ADCY6: variants seen among roughly 807,000 people sequenced by gnomAD.
The protein encoded by ADCY6 is adenylate cyclase 6.
Under a neutral mutation model 111.6 loss-of-function variants are expected in ADCY6, and 59 were observed. The observed-to-expected ratio is 0.53, with a 90% CI of 0.43 to 0.66. ADCY6 has a LOEUF of 0.66. ADCY6 is among the 30% of genes least tolerant of loss of function. ADCY6 has a pLI of 0.00. For synonymous variants in ADCY6, 576 were observed against 642.9 expected (o/e 0.90, Z 1.57); for missense variants, 1,242 against 1,595.6 (o/e 0.78, Z 3.78).
rs1457933107 is a variant in ADCY6 at position 48,770,852 on chromosome 12, G to C, written c.3170C>G (p.Thr1057Ser). The part of the protein sequence containing the change: ...TYDQVGRSHI[T>S]ALADYAMRLM... ...CCGCATGGCGTAGTCAGCCAGGGCAGTGATGTGGGAGCGGCCCACCTGATC... is the reference window on the plus strand; with the variant it reads ...CCGCATGGCGTAGTCAGCCAGGGCACTGATGTGGGAGCGGCCCACCTGATC... The change falls in exon 20 of 22, where the codon ACT becomes AGT. Residue 1057 changes from threonine (T) to serine (S), a missense_variant. Physicochemically the swap from Thr to Ser is moderately conservative, Grantham distance 58 (BLOSUM62 1). Transcript: ENST00000357869. 2.5e-6 allele frequency: 4 copies of C among 1,614,280 alleles called. No homozygotes were observed. The highest frequency in any genetic ancestry group is 3.4e-6 in the Non-Finnish European group (4 of 1,180,052).
intron 20 of ADCY6, among the ~76,000 whole-genome samples, chr12:48,769,643 G>C (rs533658833): frequency 4.0e-4 from 60 of 149,464 alleles, no homozygotes; most frequent in African/African-American, 1.5e-3. Flanking sequence ...ATGGAGTGCA[G>C]TGGCACAATC....
Position 48,777,309 on chromosome 12 carries a change from C to G in ADCY6, c.1249-78G>C, listed in dbSNP as rs181298542. 7 of 1,593,866 alleles carry G rather than the reference C, an allele frequency of 4.4e-6. No individual in the cohort carries two copies. The highest frequency in any genetic ancestry group is 6.0e-6 in the Non-Finnish European group (7 of 1,169,002). ...AGCCTGCATGGCCCACCACCCTCCA[C>G]GCATACTCTATCTGCCCTCAAATCC... On this transcript the variant is annotated intron_variant, in intron 5 of 21. Transcript: ENST00000357869. This position sits in a 1 kb window ranked among gnomAD's most constrained non-coding sequence, Gnocchi z 4.9.
intron 20 of ADCY6, 29 bp from the exon 21 acceptor site, chr12:48,769,090 G>T (rs542296341): frequency 1.3e-6 from 2 of 1,591,494 alleles, no homozygotes; most frequent in Admixed American, 3.5e-5. Flanking sequence ...CAAGAGACTA[G>T]TGGATGCTCC....
intron 20 of ADCY6, among the ~76,000 whole-genome samples, chr12:48,769,270 G>A (rs1941460874): frequency 6.6e-6 from 1 of 151,936 alleles, no homozygotes; most frequent in South Asian, 2.1e-4. Flanking sequence ...AAATTAGCTG[G>A]ACAATGGTGG....
chr12:48,788,949 GC>G lies in ADCY6; in HGVS notation c.-49del, dbSNP rs1440054154. ...GCCTGCCCTGGGCCCCCGCCCCGCC[GC>G]CCCCGCGGGCTCCGGCCGGCCGGCC... On this transcript the variant is annotated 5_prime_UTR_variant, in exon 1 of 22. Coordinates refer to ENST00000357869, the MANE Select transcript of ADCY6 (RefSeq NM_015270.5). 1.5e-5 allele frequency: 1 copy of G among 64,816 alleles called. No individual in the cohort carries two copies. The highest frequency in any genetic ancestry group is 3.2e-5 in the Non-Finnish European group (1 of 31,090). 4.0% of individuals were successfully genotyped at this position (64,816 alleles called of 1,614,324 possible).
chr12:48,781,214 A>C (rs909826501), intron 2 of ADCY6, among the ~76,000 whole-genome samples: 13 of 150,832 alleles, frequency 8.6e-5, no homozygotes, highest in African/African-American at 2.0e-4. Flanking sequence ...AAAAAAAAAA[A>C]CCACAAAAAA....
rs771856644 is a variant in ADCY6, at chr12:48,771,935, T to C, written c.2826A>G (p.Ala942=). The C allele has an allele frequency of 3.7e-6, 6 of 1,613,892 alleles. No individual in the cohort carries two copies. The highest frequency in any genetic ancestry group is 2.2e-5 in the East Asian group (1 of 44,882). ...TGTTATGCAGCAGCCTCCGGTTGTA[T>C]GCCTGTAGCTCCTCCATCTCCTCCT... ...GEKEEMEELQ[A]YNRRLLHNIL... The change falls in exon 19 of 22, where the codon GCA becomes GCG. Residue 942 remains alanine (A), a synonymous_variant. Transcript: ENST00000357869. This position sits in a 1 kb window ranked among gnomAD's most constrained non-coding sequence, Gnocchi z 4.3.
chr12:48,767,674 A>G lies in ADCY6; in HGVS notation c.*917T>C, dbSNP rs1163153797. Reference sequence around the variant, plus strand: ...GCAACAGAAGAGGAAGAGATGCTCCATGCCCCCTTGTCAGCAGACAGCAAG... The same window carrying G: ...GCAACAGAAGAGGAAGAGATGCTCCGTGCCCCCTTGTCAGCAGACAGCAAG... On this transcript the variant is annotated 3_prime_UTR_variant, in exon 22 of 22. Transcript: ENST00000357869. 1 of 152,642 alleles carries G rather than the reference A, an allele frequency of 6.6e-6. No homozygotes were observed. The highest frequency in any genetic ancestry group is 1.5e-5 in the Non-Finnish European group (1 of 68,062). The allele number at this position is 152,642 out of a possible 1,614,324, so 9.5% of individuals were successfully genotyped here. A position where few individuals can be genotyped will look rare whatever the true frequency, so the allele number is the denominator to read the frequency against.
In ADCY6 at chr12:48,768,567, A is replaced by C. The variant is rs1166708083; in HGVS notation, c.*24T>G. On this transcript the variant is annotated 3_prime_UTR_variant, in exon 22 of 22. Transcript: ENST00000357869. The stretch of plus-strand genomic sequence containing the variant: ...ACTCAATGCCCACCTTGGTCCCTTC[A>C]GCTGAATTTGTGGCTGGGCCCTGTT... 4.3e-6 allele frequency: 7 copies of C among 1,613,936 alleles called. No individual in the cohort carries two copies. The highest frequency in any genetic ancestry group is 2.2e-5 in the East Asian group (1 of 44,866).
chr12:48,771,121 G>C lies in ADCY6; in HGVS notation c.3052-151C>G. ...CTGCTGCTATCAGTGTAAGACTGAG[G>C]AGCTGGGAAAACAGGCAGCCTAGGA... On this transcript the variant is annotated intron_variant, in intron 19 of 21. Coordinates refer to ENST00000357869, the MANE Select transcript of ADCY6 (RefSeq NM_015270.5). The surrounding 1 kb of genome is among the most constrained non-coding windows in gnomAD (Gnocchi z 4.3). 1.3e-6 allele frequency: 1 copy of C among 784,578 alleles called. No individual in the cohort carries two copies. Among genetic ancestry groups the C allele is most frequent in the Non-Finnish European group, 2.0e-6 (1 of 501,382 alleles). The allele number at this position is 784,578 out of a possible 1,614,324, so 48.6% of individuals were successfully genotyped here.
rs767296615 is a variant in ADCY6 at position 48,774,069 on chromosome 12, G to C, written c.2313C>G (p.Ser771Arg). The C allele has an allele frequency of 9.3e-6, 15 of 1,611,196 alleles. No individual in the cohort carries two copies. The highest frequency in any genetic ancestry group is 1.2e-5 in the Non-Finnish European group (14 of 1,178,582). Reference sequence around the variant, plus strand: ...TTAAATTCAGCATCCGGGCTGCACAGCTCCGTATGGGGGTGTGGTTACAGG... The same window carrying C: ...TTAAATTCAGCATCCGGGCTGCACACCTCCGTATGGGGGTGTGGTTACAGG... Reference protein sequence around the residue: ...MFTCNHTPIRSCAARMLNLTP... With the variant: ...MFTCNHTPIRRCAARMLNLTP... The change falls in exon 15 of 22, where the codon AGC (serine) becomes AGG (arginine). Residue 771 changes from serine to arginine, a missense_variant. Around this residue, in one of 4 missense-constraint regions of ADCY6, gnomAD observed 375 missense variants for 432.5 expected, o/e 0.87. Transcript: ENST00000357869.
rs1369964098 is a variant in ADCY6, at chr12:48,768,989, G to A, written c.3329C>T (p.Thr1110Ile). The A allele has an allele frequency of 2.5e-6, 4 of 1,614,044 alleles. No individual in the cohort carries two copies. The highest frequency in any genetic ancestry group is 3.4e-6 in the Non-Finnish European group (4 of 1,179,966). ...RKPQYDIWGN[T>I]VNVSSRMDST... The stretch of plus-strand genomic sequence containing the variant: ...GTCCATACGACTAGAGACATTCACT[G>A]TGTTCCCCCAGATGTCATACTGTGG... Residue 1110 changes from threonine (T) to isoleucine (I), a missense_variant, in exon 21 of 22, where the codon ACA (threonine) becomes ATA (isoleucine). Around this residue, in one of 4 missense-constraint regions of ADCY6, gnomAD observed 245 missense variants for 371.3 expected, o/e 0.66. Coordinates refer to ENST00000357869, the MANE Select transcript of ADCY6 (RefSeq NM_015270.5).
At position 48,776,403 on chromosome 12, in the gene ADCY6, C is replaced by A. The variant is rs1941704040; in HGVS notation, c.1535+25G>T. Reference sequence around the variant, plus strand: ...TGGCTCTCCCACCTTGCCCCCATCCCCCCCACCTGGACCCCCCTACTCACC... The same window carrying A: ...TGGCTCTCCCACCTTGCCCCCATCCACCCCACCTGGACCCCCCTACTCACC... On this transcript the variant is annotated intron_variant, in intron 7 of 21. Transcript: ENST00000357869. This position sits in a 1 kb window ranked among gnomAD's most constrained non-coding sequence, Gnocchi z 6.1. The A allele has an allele frequency of 6.2e-7, 1 of 1,608,054 alleles. No homozygotes were observed. Among genetic ancestry groups the A allele is most frequent in the Non-Finnish European group, 8.5e-7 (1 of 1,174,778 alleles).
At position 48,778,115 on chromosome 12, in the gene ADCY6, C is replaced by T. The variant is rs759226838; in HGVS notation, c.1007G>A (p.Arg336Gln). ...CACGGGGAGCAGCCCCACCTGCTGC[C>T]GATTCTCATGCTGCAGGTGGAGCCG... The part of the protein sequence containing the change: ...QARLHLQHEN[R>Q]QQERLLLSVL... The change falls in exon 3 of 22, where the codon CGG (arginine) becomes CAG (glutamine). Residue 336 changes from arginine (R) to glutamine (Q), a missense_variant. Around this residue, in one of 4 missense-constraint regions of ADCY6, gnomAD observed 260 missense variants for 414.6 expected, o/e 0.63. Coordinates refer to ENST00000357869, the MANE Select transcript of ADCY6 (RefSeq NM_015270.5). 5.0e-6 allele frequency: 8 copies of T among 1,609,610 alleles called. No homozygotes were observed. The highest frequency in any genetic ancestry group is 2.2e-5 in the East Asian group (1 of 44,756).
chr12:48,780,362 G>A (rs1169185334), intron 2 of ADCY6, among the ~76,000 whole-genome samples: 2 of 152,140 alleles, frequency 1.3e-5, no homozygotes, highest in Non-Finnish European at 2.9e-5. Flanking sequence ...CTGGGAAGGG[G>A]CTGCCCAAGT....
rs1565647870 is a variant in ADCY6, at chr12:48,776,900, C to T, written c.1376+204G>A. ...AACTCCCCTACTGCATAGGCTCTCC[C>T]GGCCCCATCTCGGCTGGCTGGGAGT... is the stretch of plus-strand genomic sequence containing the variant. On this transcript the variant is annotated intron_variant, in intron 6 of 21. Transcript: ENST00000357869. This position sits in a 1 kb window ranked among gnomAD's most constrained non-coding sequence, Gnocchi z 6.1. 6.6e-6 allele frequency among the ~76,000 whole-genome samples: 1 copy of T among 152,204 alleles called. No individual in the cohort carries two copies. Among genetic ancestry groups the T allele is most frequent in the Admixed American group, 6.5e-5 (1 of 15,288 alleles).
intron 20 of ADCY6, among the ~76,000 whole-genome samples, chr12:48,770,478 G>A (rs1182981903): frequency 6.6e-6 from 1 of 152,164 alleles, no homozygotes; most frequent in Non-Finnish European, 1.5e-5. Flanking sequence ...TCCCAGCTCT[G>A]CCACTTACTA....
In ADCY6 at chr12:48,771,512, C is replaced by T. The variant is rs755158445; in HGVS notation, c.3051+198G>A. The T allele has an allele frequency of 3.7e-6, 3 of 806,222 alleles. No homozygotes were observed. The African/African-American group carries it at 5.1e-5, about 14-fold the overall frequency. 49.9% of individuals were successfully genotyped at this position (806,222 alleles called of 1,614,324 possible). A position where few individuals can be genotyped will look rare whatever the true frequency, so the allele number is the denominator to read the frequency against. ...GCTCCCCAACAGTGATGACCCTGCC[C>T]CACTAGGGCTGACCCCCTTGCTGCC... On this transcript the variant is annotated intron_variant, in intron 19 of 21. Coordinates refer to ENST00000357869, the MANE Select transcript of ADCY6 (RefSeq NM_015270.5). This position sits in a 1 kb window ranked among gnomAD's most constrained non-coding sequence, Gnocchi z 4.3.
chr12:48,787,121 C>T (rs370237662), intron 1 of ADCY6, among the ~76,000 whole-genome samples: 2 of 152,326 alleles, frequency 1.3e-5, no homozygotes, highest in South Asian at 2.1e-4. Context: ...CCTTGGCTGT[C>T]AGTCCCCAGA....
Sources: gnomAD v4.1 joint callset for allele counts (sites outside exome capture counted in the v4.1 genomes callset) on GRCh38, gnomAD v4.1.1 for gene constraint, gnomAD v4.1.1 regional missense constraint, Gnocchi (gnomAD v3.1) non-coding constraint, MANE v1.5 for transcripts, NCBI Gene and HGNC (gene_info 2026-07-23, HGNC 2026-07-21) for gene names.